The following LHFPL6 variants were observed in gnomAD, a reference collection of about 807,000 sequenced individuals.
LHFPL6 encodes LHFPL tetraspan subfamily member 6.
Under a neutral mutation model 20.6 loss-of-function variants are expected in LHFPL6, and 9 were observed. The observed-to-expected ratio is 0.44, with a 90% CI of 0.26 to 0.76. LHFPL6 has a LOEUF of 0.76. Among genes scored for constraint, LHFPL6 ranks in the 30% least tolerant of loss-of-function variants. LHFPL6 has a pLI of 0.20. For synonymous variants in LHFPL6, 105 were observed against 98.7 expected, an observed-to-expected ratio of 1.06 and a Z score of -0.38; for missense variants, 218 against 253.5, an observed-to-expected ratio of 0.86 and a Z score of 0.95.
At chr13:39,505,278 G>A (rs1201380656) in intron 2 of LHFPL6, among the ~76,000 whole-genome samples, 5 of 152,098 alleles carry the variant, frequency 3.3e-5, no homozygotes, top group African/African-American at 9.7e-5. Flanking sequence ...TCTAGAGAGC[G>A]GAATCGGAGT....
intron 2 of LHFPL6, among the ~76,000 whole-genome samples, chr13:39,579,813 T>C (rs1872225302): frequency 6.6e-6 from 1 of 152,160 alleles, no homozygotes; most frequent in Non-Finnish European, 1.5e-5. Context: ...TATAACATGA[T>C]ACTGAAGCTT....
intron 2 of LHFPL6, among the ~76,000 whole-genome samples, chr13:39,475,961 T>C (rs1251449716): frequency 1.3e-5 from 2 of 152,138 alleles, no homozygotes; most frequent in African/African-American, 4.8e-5. Flanking sequence ...ATGAAGGGAA[T>C]AAAAAATAAT....
chr13:39,501,030 C>T (rs576517259), intron 2 of LHFPL6, among the ~76,000 whole-genome samples: 1 of 152,148 alleles, frequency 6.6e-6, no homozygotes. Context: ...GATGTTGATG[C>T]TCTCCTTTGG....
intron 3 of LHFPL6, among the ~76,000 whole-genome samples, chr13:39,378,025 A>C (rs1870337643): frequency 6.6e-6 from 1 of 152,214 alleles, no homozygotes; most frequent in Non-Finnish European, 1.5e-5. Context: ...TAGACCAACG[A>C]TGTGAAATTG....
intron 2 of LHFPL6, among the ~76,000 whole-genome samples, chr13:39,487,160 G>T (rs963247392): frequency 6.6e-5 from 10 of 152,142 alleles, no homozygotes; most frequent in African/African-American, 2.4e-4. Context: ...ACTCTAGAAA[G>T]AATTTCTTCC....
intron 2 of LHFPL6, among the ~76,000 whole-genome samples, chr13:39,472,801 G>T (rs186761087): frequency 6.6e-6 from 1 of 152,038 alleles, no homozygotes; most frequent in Non-Finnish European, 1.5e-5. Flanking sequence ...TAGAGATATG[G>T]GGTTTCACCA....
At chr13:39,545,724 T>C (rs868460773) in intron 2 of LHFPL6, among the ~76,000 whole-genome samples, 7 of 152,202 alleles carry the variant, frequency 4.6e-5, no homozygotes, top group Middle Eastern at 6.8e-3. Context: ...TTATAATATG[T>C]AATATAATGT....
At chr13:39,562,369 T>TATATACAC (rs1871513102) in intron 2 of LHFPL6, among the ~76,000 whole-genome samples, 15 of 98,768 alleles carry the variant, frequency 1.5e-4, no homozygotes, top group Admixed American at 2.1e-4. Flanking sequence ...TACATATACA[T>TATATACAC]ATATACATAT....
intron 2 of LHFPL6, among the ~76,000 whole-genome samples, chr13:39,509,494 G>A (rs1869611057): frequency 6.6e-6 from 1 of 152,056 alleles, no homozygotes; most frequent in Non-Finnish European, 1.5e-5. Context: ...TTTAAGGTAT[G>A]CGCTGAAGTT....
chr13:39,352,853 G>GTATATATATGTGTATATATATATAAATA (rs1869606951), intron 3 of LHFPL6, among the ~76,000 whole-genome samples: 1 of 59,328 alleles, frequency 1.7e-5, no homozygotes, highest in Non-Finnish European at 3.0e-5. Context: ...ATATATAAAT[G>GTATATATATGTGTATATATATATAAATA]TATATATATG....
chr13:39,461,190 G>C (rs1872680036), intron 2 of LHFPL6, among the ~76,000 whole-genome samples: 1 of 152,154 alleles, frequency 6.6e-6, no homozygotes, highest in African/African-American at 2.4e-5. Context: ...TGGCTGCATA[G>C]GAGTCCATGG....
At chr13:39,452,115 A>AG (rs1872464115) in intron 2 of LHFPL6, among the ~76,000 whole-genome samples, 1 of 149,098 alleles carries the variant, frequency 6.7e-6, no homozygotes, top group East Asian at 2.6e-4. Flanking sequence ...TAAAAAAAAA[A>AG]AGGATATAAC....
At chr13:39,391,569 T>C (rs1870709231) in intron 2 of LHFPL6, among the ~76,000 whole-genome samples, 1 of 152,210 alleles carries the variant, frequency 6.6e-6, no homozygotes, top group Middle Eastern at 3.2e-3. Flanking sequence ...TCATTTTTAA[T>C]AGAATATATA....
intron 2 of LHFPL6, among the ~76,000 whole-genome samples, chr13:39,417,963 A>G (rs955465990): frequency 5.9e-5 from 9 of 152,342 alleles, no homozygotes; most frequent in African/African-American, 2.2e-4. Flanking sequence ...GGGGAGAGAA[A>G]GAGTGTTAGT....
rs554151141 is a variant in LHFPL6, at chr13:39,451,836, C to T, written c.386-73310G>A. 4.5e-4 allele frequency among the ~76,000 whole-genome samples: 69 copies of T among 152,194 alleles called. 1 individual carries two copies. The South Asian group carries it at 4.6e-3, about 10-fold the overall frequency. ...AGATCTAAAGATTCTAGTATATATTCAAGTAATTCCTGTTAAATATTGTGA... is the reference window on the plus strand; with the variant it reads ...AGATCTAAAGATTCTAGTATATATTTAAGTAATTCCTGTTAAATATTGTGA... On this transcript the variant is annotated intron_variant, in intron 2 of 3. Transcript: ENST00000379589.
intron 2 of LHFPL6, among the ~76,000 whole-genome samples, chr13:39,520,727 T>C (rs1168228582): frequency 6.6e-6 from 1 of 152,134 alleles, no homozygotes; most frequent in Non-Finnish European, 1.5e-5. Context: ...CTGAAGAGCA[T>C]TCACCTCAAT....
rs58955444 is a variant in LHFPL6, at chr13:39,459,194, A to ATGTGTGTGTG, written c.386-80678_386-80669dup. On this transcript the variant is annotated intron_variant, in intron 2 of 3. Transcript: ENST00000379589. Reference sequence around the variant, plus strand: ...CAGTAATAGCTGGACAAGTTCCTTAATGTGTGTGTGTGTGTGTGTGTGTGT... The same window carrying ATGTGTGTGTG: ...CAGTAATAGCTGGACAAGTTCCTTAATGTGTGTGTGTGTGTGTGTGTGTGTGTGTGTGTGT... 5.8e-3 allele frequency among the ~76,000 whole-genome samples: 783 copies of ATGTGTGTGTG among 136,048 alleles called. 3 individuals are homozygous for ATGTGTGTGTG. Among genetic ancestry groups the ATGTGTGTGTG allele is most frequent in the Middle Eastern group, 0.012 (3 of 260 alleles). 89.3% of individuals were successfully genotyped at this position (136,048 alleles called of 152,430 possible). A position where few individuals can be genotyped will look rare whatever the true frequency, so the allele number is the denominator to read the frequency against.
At chr13:39,433,792 G>A (rs997044158) in intron 2 of LHFPL6, among the ~76,000 whole-genome samples, 52 of 152,160 alleles carry the variant, frequency 3.4e-4, no homozygotes, top group Admixed American at 7.9e-4. Context: ...AAAAGTATAA[G>A]AATTCCTATC....
intron 2 of LHFPL6, among the ~76,000 whole-genome samples, chr13:39,523,212 C>T (rs868775346): frequency 5.7e-4 from 87 of 151,996 alleles, no homozygotes; most frequent in African/African-American, 1.8e-3. Context: ...TATTATTATC[C>T]CTATTATGGA....
Sources: allele counts gnomAD v4.1 joint callset (sites outside exome capture counted in the v4.1 genomes callset), GRCh38; gene constraint gnomAD v4.1.1; transcripts MANE v1.5; gene names NCBI Gene and HGNC (gene_info 2026-07-23, HGNC 2026-07-21).